PDE7A: variants seen among roughly 807,000 people sequenced by gnomAD.
PDE7A encodes the protein high affinity 3',5'-cyclic-AMP phosphodiesterase 7A.
Under a neutral mutation model 64.3 loss-of-function variants are expected in PDE7A, and 39 were observed. The ratio of observed to expected loss-of-function variants is 0.61; its 90% CI spans 0.47 to 0.79. The LOEUF is 0.79. Ranked by LOEUF, PDE7A falls within the 30% of genes least tolerant of loss-of-function variation. The pLI is 0.00. For missense variants in PDE7A, 470 were observed against 582.8 expected (o/e 0.81, Z 1.99); for synonymous variants, 203 against 206.8 (o/e 0.98, Z 0.16).
chr8:65,746,138 GC>G (rs1807666470), intron 4 of PDE7A, among the ~76,000 whole-genome samples: 2 of 142,598 alleles, frequency 1.4e-5, no homozygotes, highest in Admixed American at 7.3e-5. Context: ...TCACCATGCT[GC>G]CCAGGGCTGG....
chr8:65,829,386 C>CA lies in PDE7A; in HGVS notation c.138+11984dup, dbSNP rs1238175558. The stretch of plus-strand genomic sequence containing the variant: ...GATTATATGTTAATTAAAAGTAACT[C>CA]AGATATTTTCAGAACTGAGTGTGTT... On this transcript the variant is annotated intron_variant, in intron 1 of 12. Coordinates refer to ENST00000401827, the MANE Select transcript of PDE7A (RefSeq NM_001242318.3). 8.3e-4 allele frequency among the ~76,000 whole-genome samples: 127 copies of CA among 152,156 alleles called. 1 individual carries two copies. Among genetic ancestry groups the CA allele is most frequent in the Admixed American group, 2.9e-3 (44 of 15,270 alleles).
At chr8:65,805,883 T>C (rs1329562808) in intron 1 of PDE7A, among the ~76,000 whole-genome samples, 5 of 152,228 alleles carry the variant, frequency 3.3e-5, no homozygotes, top group Non-Finnish European at 7.3e-5. Context: ...TACTGTATTA[T>C]TATACTTTAA....
chr8:65,775,348 G>C (rs545147018), intron 3 of PDE7A, among the ~76,000 whole-genome samples: 1 of 152,172 alleles, frequency 6.6e-6, no homozygotes, highest in East Asian at 1.9e-4. Context: ...CTAATTTCTT[G>C]AGTTGGACTA....
chr8:65,743,513 G>T (rs1002222943), intron 5 of PDE7A, among the ~76,000 whole-genome samples: 2 of 152,164 alleles, frequency 1.3e-5, no homozygotes, highest in Non-Finnish European at 2.9e-5. Flanking sequence ...TCACAATTTT[G>T]CCTAGGATCA....
At chr8:65,841,326 C>A in intron 1 of PDE7A, 45 bp downstream of exon 1, 1 of 1,459,518 alleles carries the variant, frequency 6.9e-7, no homozygotes. Flanking sequence ...CAGAGGGAAA[C>A]AAAAGAGAGA....
In PDE7A at chr8:65,727,254, T is replaced by C. The variant is rs763402015; in HGVS notation, c.744A>G (p.Ala248=). ...TPWDILLSLI[A]AATHDLDHPG... is the part of the protein sequence containing the mutation. ...GATGATCCAGATCATGAGTGGCAGCTGCAATTAAGCTCAGCAAGATATCCC... is the reference window on the plus strand; with the variant it reads ...GATGATCCAGATCATGAGTGGCAGCCGCAATTAAGCTCAGCAAGATATCCC... The change falls in exon 8 of 13, where the codon GCA becomes GCG. Residue 248 remains alanine, a synonymous_variant. Transcript: ENST00000401827. The C allele has an allele frequency of 5.0e-6, 8 of 1,613,776 alleles. No individual in the cohort carries two copies. In the South Asian group the frequency reaches 8.8e-5, roughly 18 times the overall value.
intron 3 of PDE7A, among the ~76,000 whole-genome samples, chr8:65,758,197 A>T (rs760893379): frequency 6.6e-6 from 1 of 152,186 alleles, no homozygotes; most frequent in Non-Finnish European, 1.5e-5. Flanking sequence ...CCACTAGGCA[A>T]TAACAGCCGT....
chr8:65,724,426 G>A lies in PDE7A; in HGVS notation c.1066-75C>T. Reference sequence around the variant, plus strand: ...ATAATACCAAAGAACCAAGTGCAAGGACTGGATTAACCATAAATATAAATA... The same window carrying A: ...ATAATACCAAAGAACCAAGTGCAAGAACTGGATTAACCATAAATATAAATA... On this transcript the variant is annotated intron_variant, in intron 10 of 12. Coordinates refer to ENST00000401827, the MANE Select transcript of PDE7A (RefSeq NM_001242318.3). The A allele has an allele frequency of 3.3e-6, 3 of 909,054 alleles. No individual in the cohort carries two copies. In the South Asian group the frequency reaches 4.6e-5, roughly 14 times the overall value. 56.3% of individuals were successfully genotyped at this position (909,054 alleles called of 1,614,324 possible).
chr8:65,719,380 T>C lies in PDE7A; in HGVS notation c.1359A>G (p.Gly453=). ...CACTGCTCGACTGTTCTCTCTGCAG[T>C]CCCTTCCAGCTGGCTTTATTCAGCC... ...HVGLNKASWK[G]LQREQSSSED... The change falls in exon 13 of 13, where the codon GGA becomes GGG. Residue 453 remains glycine, a synonymous_variant. Transcript: ENST00000401827. 1 of 1,614,034 alleles carries C rather than the reference T, an allele frequency of 6.2e-7. No homozygotes were observed. The highest frequency in any genetic ancestry group is 1.1e-5 in the South Asian group (1 of 91,084).
At chr8:65,791,882 A>G (rs1394452028) in intron 1 of PDE7A, among the ~76,000 whole-genome samples, 3 of 152,152 alleles carry the variant, frequency 2.0e-5, no homozygotes, top group African/African-American at 7.2e-5. Flanking sequence ...TGGCTGTAAG[A>G]CTTTTTCTTA....
At chr8:65,791,656 T>C (rs1176069682) in intron 1 of PDE7A, among the ~76,000 whole-genome samples, 2 of 152,220 alleles carry the variant, frequency 1.3e-5, no homozygotes, top group Non-Finnish European at 2.9e-5. Flanking sequence ...TTTCCACTAA[T>C]GTCTGACACG....
At chr8:65,763,302 C>T (rs756543011) in intron 3 of PDE7A, among the ~76,000 whole-genome samples, 18 of 152,158 alleles carry the variant, frequency 1.2e-4, no homozygotes, top group Middle Eastern at 3.4e-3. Flanking sequence ...CGGTGGCTCA[C>T]GCCTGTTAAT....
At position 65,757,595 on chromosome 8, in the gene PDE7A, A is replaced by G. The variant is rs182924965; in HGVS notation, c.284-9792T>C. Among the ~76,000 whole-genome samples the G allele has an allele frequency of 3.9e-3, 597 of 151,970 alleles. 6 individuals are homozygous for G. The highest frequency in any genetic ancestry group is 0.027 in the Middle Eastern group (8 of 294). On this transcript the variant is annotated intron_variant, in intron 3 of 12. Transcript: ENST00000401827. The stretch of plus-strand genomic sequence containing the variant: ...AGATAATGTTGTCTCTTGCTCCAAG[A>G]CTTTGTTTTTGTTTTGTTTTGTTTT...
intron 1 of PDE7A, among the ~76,000 whole-genome samples, chr8:65,826,445 C>T (rs1466151818): frequency 2.6e-5 from 4 of 152,182 alleles, no homozygotes; most frequent in South Asian, 4.1e-4. Context: ...GATCTCACTT[C>T]GTAAAACATC....
chr8:65,728,269 T>C (rs1806689632), intron 7 of PDE7A: 1 of 152,238 alleles, frequency 6.6e-6, no homozygotes, highest in African/African-American at 2.4e-5. Flanking sequence ...CTAACATTTA[T>C]ATGTTATACA....
intron 1 of PDE7A, among the ~76,000 whole-genome samples, chr8:65,791,589 T>C (rs911334038): frequency 2.0e-5 from 3 of 152,186 alleles, no homozygotes; most frequent in Non-Finnish European, 2.9e-5. Flanking sequence ...CTTTCATTTC[T>C]CACGCTAGTT....
intron 3 of PDE7A, among the ~76,000 whole-genome samples, chr8:65,761,694 G>C (rs1165629528): frequency 6.6e-6 from 1 of 152,202 alleles, no homozygotes; most frequent in Non-Finnish European, 1.5e-5. Context: ...CTGTGACTTA[G>C]TGATCACGGG....
At chr8:65,749,902 A>G (rs10088623) in intron 3 of PDE7A, among the ~76,000 whole-genome samples, 26,916 of 152,224 alleles carry the variant, frequency 0.18, 3,114 homozygotes, top group East Asian at 0.52. Context: ...TCAGATGAAG[A>G]TATGGACAGA....
intron 3 of PDE7A, among the ~76,000 whole-genome samples, chr8:65,774,366 C>T (rs1292813219): frequency 2.6e-5 from 4 of 152,102 alleles, no homozygotes; most frequent in African/African-American, 7.2e-5. Flanking sequence ...GAATGGTTCC[C>T]TCTTTATAAT....
Sources: allele counts gnomAD v4.1 joint callset (sites outside exome capture counted in the v4.1 genomes callset), GRCh38; gene constraint gnomAD v4.1.1; transcripts MANE v1.5; gene names NCBI Gene and HGNC (gene_info 2026-07-23, HGNC 2026-07-21).